The following SYNGR2 variants were observed in gnomAD, a reference collection of about 807,000 sequenced individuals.
The protein encoded by SYNGR2 is synaptogyrin-2.
A neutral mutation model predicts 18.7 loss-of-function variants in SYNGR2; 11 were observed. The ratio of observed to expected loss-of-function variants is 0.59; its 90% confidence interval spans 0.37 to 0.97. The LOEUF (loss-of-function observed/expected upper bound fraction) is 0.97. Ranked by LOEUF, SYNGR2 falls within the 50% of genes least tolerant of loss-of-function variation. SYNGR2 has a pLI of 0.01. For synonymous variants in SYNGR2, 127 were observed against 131.0 expected, an observed-to-expected ratio of 0.97 and a Z score of 0.21; for missense variants, 253 against 300.7, an observed-to-expected ratio of 0.84 and a Z score of 1.17.
chr17:78,170,682 T>A, intron 1 of SYNGR2, 135 bp from the exon 2 acceptor site: 1 of 753,564 alleles, frequency 1.3e-6, no homozygotes, highest in Non-Finnish European at 2.3e-6. Context: ...CAAGACTCCA[T>A]CTCAAACAAC....
rs1444409396 is a variant in SYNGR2, at chr17:78,170,913, G to T, written c.196G>T (p.Asp66Tyr). 8 of 1,613,358 alleles carry T rather than the reference G, an allele frequency of 5.0e-6. No individual in the cohort carries two copies. The highest frequency in any genetic ancestry group is 5.9e-6 in the Non-Finnish European group (7 of 1,180,044). Residue 66 changes from aspartate (D) to tyrosine (Y), a missense_variant, in exon 2 of 4, where the codon GAT becomes TAT. Coordinates refer to ENST00000225777, the MANE Select transcript of SYNGR2 (RefSeq NM_004710.7). ...QMYCVFNRNE[D>Y]ACRYGSAIGV... ...GTACTGCGTGTTCAACCGCAACGAG[G>T]ATGCCTGCCGCTATGGCAGTGCCAT... is the stretch of plus-strand genomic sequence containing the variant.
chr17:78,171,214 A>G lies in SYNGR2; in HGVS notation c.337+160A>G. 1.3e-6 allele frequency: 1 copy of G among 750,742 alleles called. No homozygotes were observed. The highest frequency in any genetic ancestry group is 2.1e-6 in the Non-Finnish European group (1 of 467,156). 46.5% of individuals were successfully genotyped at this position (750,742 alleles called of 1,614,324 possible). On this transcript the variant is annotated intron_variant, in intron 2 of 3. Transcript: ENST00000225777. The surrounding 1 kb of genome is among the most constrained non-coding windows in gnomAD (Gnocchi z 6.6). The stretch of plus-strand genomic sequence containing the variant: ...TTCAGCTAGTGTTTTTCCGTGCTTG[A>G]ATGGCACCAGCCCTGCCTGGGGTAG...
Position 78,171,870 on chromosome 17 carries a change from C to T in SYNGR2, c.609C>T (p.Tyr203=), listed in dbSNP as rs752933760. 6.8e-6 allele frequency: 11 copies of T among 1,614,022 alleles called. No individual in the cohort carries two copies. In the Admixed American group the frequency reaches 1.8e-4, roughly 27 times the overall value. The change falls in exon 4 of 4, where the codon TAC becomes TAT. Residue 203 remains tyrosine, a synonymous_variant. Transcript: ENST00000225777. This position sits in a 1 kb window ranked among gnomAD's most constrained non-coding sequence, Gnocchi z 6.6. The stretch of plus-strand genomic sequence containing the variant: ...ACCCAGGTGCATCTGTGGACAACTA[C>T]CAACAGCCACCCTTCACCCAGAACG... ...ASYPGASVDN[Y]QQPPFTQNAE...
At chr17:78,170,158 C>T (rs1190351053) in intron 1 of SYNGR2, 3 of 152,516 alleles carry the variant, frequency 2.0e-5, no homozygotes, top group African/African-American at 7.2e-5. Flanking sequence ...TGAGGTTGGG[C>T]TGGGGATGGA....
At chr17:78,168,795 G>A in intron 1 of SYNGR2, 80 bp downstream of exon 1, 1 of 1,132,006 alleles carries the variant, frequency 8.8e-7, no homozygotes. Flanking sequence ...CCTAGCCCAC[G>A]AGCGCGACAG....
chr17:78,169,991 C>T (rs1365743889), intron 1 of SYNGR2: 1 of 152,556 alleles, frequency 6.6e-6, no homozygotes. Context: ...GAGGTGAAGA[C>T]ACAGGGGCGC....
At chr17:78,170,681 A>G (rs899356615) in intron 1 of SYNGR2, 136 bp from the exon 2 acceptor site, 7 of 746,404 alleles carry the variant, frequency 9.4e-6, no homozygotes, top group African/African-American at 3.5e-5. Context: ...GCAAGACTCC[A>G]TCTCAAACAA....
rs2075642334 is a variant in SYNGR2 at position 78,169,275 on chromosome 17, G to GGT, written c.99+560_99+561insGT. 4 of 124,968 alleles carry GGT rather than the reference G, an allele frequency of 3.2e-5. 1 individual carries two copies. The highest frequency in any genetic ancestry group is 1.1e-4 in the African/African-American group (4 of 36,264). 7.7% of individuals were successfully genotyped at this position (124,968 alleles called of 1,614,324 possible). A position where few individuals can be genotyped will look rare whatever the true frequency, so the allele number is the denominator to read the frequency against. ...CAGGTTTTGTGTGTGTGTGTGTGTG[G>GGT]CGGGGAGGGGGCCTGTTCTTGGACA... On this transcript the variant is annotated intron_variant, in intron 1 of 3. Transcript: ENST00000225777.
chr17:78,169,487 C>T (rs977456052), intron 1 of SYNGR2, among the ~76,000 whole-genome samples: 1 of 152,136 alleles, frequency 6.6e-6, no homozygotes, highest in Non-Finnish European at 1.5e-5. Context: ...CCCAGTGGGT[C>T]GGGATGGCAG....
rs1432842039 is a variant in SYNGR2 at position 78,171,600 on chromosome 17, ACT to A, written c.431_432del (p.Ser144CysfsTer39). ...CCGAAGGACGTGCTGGTGGGGGCCG[ACT>A]CTGTGAGGGCAGCCATCACCTTCAG... On this transcript the variant is annotated frameshift_variant, in exon 3 of 4. Coordinates refer to ENST00000225777, the MANE Select transcript of SYNGR2 (RefSeq NM_004710.7). LOFTEE classifies it high-confidence loss of function. This position sits in a 1 kb window ranked among gnomAD's most constrained non-coding sequence, Gnocchi z 6.6. 6.4e-7 allele frequency: 1 copy of A among 1,566,762 alleles called. No homozygotes were observed. Among genetic ancestry groups the A allele is most frequent in the Admixed American group, 1.8e-5 (1 of 55,016 alleles).
chr17:78,171,419 G>A lies in SYNGR2; in HGVS notation c.338-91G>A, dbSNP rs1157371449. The A allele has an allele frequency of 2.3e-5, 34 of 1,459,832 alleles. No homozygotes were observed. The highest frequency in any genetic ancestry group is 2.8e-5 in the Non-Finnish European group (31 of 1,089,780). 90.4% of individuals were successfully genotyped at this position (1,459,832 alleles called of 1,614,324 possible). On this transcript the variant is annotated intron_variant, in intron 2 of 3. Transcript: ENST00000225777. The surrounding 1 kb of genome is among the most constrained non-coding windows in gnomAD (Gnocchi z 6.6). Reference sequence around the variant, plus strand: ...CCATAGTGTGGAGGCTCCCCCGGGAGGTCCCTGCCCTACCTGCCCGCGTCC... The same window carrying A: ...CCATAGTGTGGAGGCTCCCCCGGGAAGTCCCTGCCCTACCTGCCCGCGTCC...
Position 78,171,163 on chromosome 17 carries a change from C to T in SYNGR2, c.337+109C>T. On this transcript the variant is annotated intron_variant, in intron 2 of 3. Transcript: ENST00000225777. This position sits in a 1 kb window ranked among gnomAD's most constrained non-coding sequence, Gnocchi z 6.6. The stretch of plus-strand genomic sequence containing the variant: ...GGGAGGGGCAGGGAGCAGCTCACTC[C>T]TCCAGGGCATTTTTAGGAAAGGGTT... 2 of 1,076,476 alleles carry T rather than the reference C, an allele frequency of 1.9e-6. No individual in the cohort carries two copies. The highest frequency in any genetic ancestry group is 1.4e-5 in the South Asian group (1 of 69,330). The allele number at this position is 1,076,476 out of a possible 1,614,324, so 66.7% of individuals were successfully genotyped here. A position where few individuals can be genotyped will look rare whatever the true frequency, so the allele number is the denominator to read the frequency against.
At position 78,171,197 on chromosome 17, in the gene SYNGR2, G is replaced by T; in HGVS notation, c.337+143G>T. 1.2e-6 allele frequency: 1 copy of T among 818,014 alleles called. No individual in the cohort carries two copies. The allele number at this position is 818,014 out of a possible 1,614,324, so 50.7% of individuals were successfully genotyped here. On this transcript the variant is annotated intron_variant, in intron 2 of 3. Transcript: ENST00000225777. The surrounding 1 kb of genome is among the most constrained non-coding windows in gnomAD (Gnocchi z 6.6). ...ATTTTTAGGAAAGGGTTTTCAGCTA[G>T]TGTTTTTCCGTGCTTGAATGGCACC...
At chr17:78,169,034 A>T in intron 1 of SYNGR2, 1 of 174,564 alleles carries the variant, frequency 5.7e-6, no homozygotes, top group African/African-American at 2.4e-5. Context: ...GCTCCCGGAC[A>T]GGTGGCCCGC....
chr17:78,168,847 G>A, intron 1 of SYNGR2, 132 bp downstream of exon 1: 1 of 729,154 alleles, frequency 1.4e-6, no homozygotes, highest in Non-Finnish European at 1.8e-6. Flanking sequence ...GAGCGGGGCC[G>A]GCGTCCAGCG....
intron 1 of SYNGR2, 39 bp from the exon 2 acceptor site, chr17:78,170,777 AG>A: frequency 6.4e-7 from 1 of 1,571,172 alleles, no homozygotes; most frequent in Middle Eastern, 1.7e-4. Flanking sequence ...TGTGCCCCTC[AG>A]GCGGCCACCA....
Position 78,172,386 on chromosome 17 carries a change from C to T in SYNGR2, c.*450C>T, listed in dbSNP as rs936910158. 3.8e-5 allele frequency: 10 copies of T among 261,108 alleles called. No individual in the cohort carries two copies. The Admixed American group carries it at 4.9e-4, about 13-fold the overall frequency. The allele number at this position is 261,108 out of a possible 1,614,324, so 16.2% of individuals were successfully genotyped here. A position where few individuals can be genotyped will look rare whatever the true frequency, so the allele number is the denominator to read the frequency against. ...CGGAGCCGGACCAGGCTCTTGTGTC[C>T]TCACTCAGGTTTGCTTCCCCTGTGC... On this transcript the variant is annotated 3_prime_UTR_variant, in exon 4 of 4. Transcript: ENST00000225777.
In SYNGR2 at chr17:78,171,847, C is replaced by A; in HGVS notation, c.586C>A (p.Pro196Thr). The A allele has an allele frequency of 1.9e-6, 3 of 1,614,146 alleles. No individual in the cohort carries two copies. The highest frequency in any genetic ancestry group is 2.5e-6 in the Non-Finnish European group (3 of 1,180,006). ...CCCCAACACTGCCTACGCCTCCTAC[C>A]CAGGTGCATCTGTGGACAACTACCA... The part of the protein sequence containing the change: ...PDPNTAYASY[P>T]GASVDNYQQP... The change falls in exon 4 of 4, where the codon CCA (proline) becomes ACA (threonine). Residue 196 changes from proline (P) to threonine (T), a missense_variant. Pro to Thr is a conservative substitution (Grantham distance 38). Transcript: ENST00000225777. The surrounding 1 kb of genome is among the most constrained non-coding windows in gnomAD (Gnocchi z 6.6).
chr17:78,168,714 T>C lies in SYNGR2; in HGVS notation c.98T>C (p.Leu33Ser). ...QPQVVARAVCLVFALIVFSCI... is the reference protein window; with the variant it reads ...QPQVVARAVCSVFALIVFSCI... Reference sequence around the variant, plus strand: ...CAGGTGGTGGCGCGCGCCGTGTGCTTGGTGAGCCCGGGGAGGGCGGGCCGA... The same window carrying C: ...CAGGTGGTGGCGCGCGCCGTGTGCTCGGTGAGCCCGGGGAGGGCGGGCCGA... Residue 33 changes from leucine (L) to serine (S), a missense_variant and splice_region_variant, in exon 1 of 4, where the codon TTG (leucine) becomes TCG (serine). Leu to Ser is a moderately radical substitution (Grantham distance 145). Transcript: ENST00000225777. The C allele has an allele frequency of 1.7e-6, 2 of 1,199,074 alleles. No homozygotes were observed. 74.3% of individuals were successfully genotyped at this position (1,199,074 alleles called of 1,614,324 possible).
Sources: allele counts gnomAD v4.1 joint callset (sites outside exome capture counted in the v4.1 genomes callset), GRCh38; gene constraint gnomAD v4.1.1; non-coding constraint Gnocchi (gnomAD v3.1); transcripts MANE v1.5; gene names NCBI Gene and HGNC (gene_info 2026-07-23, HGNC 2026-07-21).